DIXDC1: variants seen among roughly 807,000 people sequenced by gnomAD.
DIXDC1 encodes dixin.
Under a neutral mutation model 103.1 loss-of-function variants are expected in DIXDC1, and 64 were observed. The observed-to-expected ratio is 0.62, with a 90% CI of 0.51 to 0.76. The LOEUF (loss-of-function observed/expected upper bound fraction) is 0.76, where lower values mean the gene tolerates loss of function less well. Among genes scored for constraint, DIXDC1 ranks in the 30% least tolerant of loss-of-function variants. The probability of loss-of-function intolerance (pLI) is 0.00; values close to 1 mark genes in which losing one functional copy is unlikely to be tolerated. For synonymous variants in DIXDC1, 266 were observed against 298.5 expected, an observed-to-expected ratio of 0.89 and a Z score of 1.12; for missense variants, 759 against 834.2, an observed-to-expected ratio of 0.91 and a Z score of 1.11.
intron 1 of DIXDC1, among the ~76,000 whole-genome samples, chr11:111,955,833 CAAAA>C (rs781822030): frequency 1.1e-4 from 2 of 17,660 alleles, no homozygotes; most frequent in Non-Finnish European, 1.5e-4. Context: ...GACTCTAGCT[CAAAA>C]AAAAAAAAAA....
At chr11:111,996,464 G>A (rs1443098770) in intron 17 of DIXDC1, 4 of 198,888 alleles carry the variant, frequency 2.0e-5, no homozygotes, top group Non-Finnish European at 3.1e-5. Flanking sequence ...ACATACATAC[G>A]TAAATTTTTC....
intron 17 of DIXDC1, among the ~76,000 whole-genome samples, chr11:112,002,619 T>C (rs1555176131): frequency 2.0e-5 from 3 of 152,078 alleles, no homozygotes; most frequent in Non-Finnish European, 4.4e-5. Flanking sequence ...AGCAAGACCT[T>C]GTCTCTACTA....
At chr11:111,952,113 G>A (rs587656910) in intron 1 of DIXDC1, among the ~76,000 whole-genome samples, 28 of 152,160 alleles carry the variant, frequency 1.8e-4, no homozygotes, top group South Asian at 1.0e-3. Context: ...TGATCTGCCC[G>A]CCTCAGCCTC....
chr11:111,974,232 G>A lies in DIXDC1; in HGVS notation c.526G>A (p.Asp176Asn). 6.2e-7 allele frequency: 1 copy of A among 1,613,504 alleles called. No individual in the cohort carries two copies. The highest frequency in any genetic ancestry group is 2.2e-5 in the East Asian group (1 of 44,874). The part of the protein sequence containing the change: ...VCHDMSRSGR[D>N]VFRYRQRNSS... ...TCATGACATGTCCCGATCAGGACGG[G>A]ATGTCTTTCGATATAGACAGAGGTA... Residue 176 changes from aspartate to asparagine, a missense_variant, in exon 4 of 20, where the codon GAT (aspartate) becomes AAT (asparagine). By Grantham distance (23) the Asp-to-Asn change is conservative (BLOSUM62 1). Coordinates refer to ENST00000440460, the MANE Select transcript of DIXDC1 (RefSeq NM_001037954.4).
chr11:111,971,527 CTG>C (rs1859926959), intron 3 of DIXDC1, among the ~76,000 whole-genome samples: 2 of 152,182 alleles, frequency 1.3e-5, no homozygotes, highest in South Asian at 4.1e-4. Flanking sequence ...TGTCCAGCCA[CTG>C]TGGAAAGTAG....
intron 1 of DIXDC1, among the ~76,000 whole-genome samples, chr11:111,944,110 G>C (rs1966514535): frequency 6.6e-6 from 1 of 152,156 alleles, no homozygotes; most frequent in Non-Finnish European, 1.5e-5. Flanking sequence ...CTCTAGCCTT[G>C]CTCTTAGTTT....
chr11:111,972,370 T>A (rs1555172142), intron 3 of DIXDC1, among the ~76,000 whole-genome samples: 1 of 152,208 alleles, frequency 6.6e-6, no homozygotes, highest in African/African-American at 2.4e-5. Flanking sequence ...TAAAGTCAGC[T>A]ATTTTGAGGG....
intron 2 of DIXDC1, among the ~76,000 whole-genome samples, chr11:111,966,395 G>GTTTT (rs1859733761): frequency 4.4e-5 from 4 of 89,908 alleles, no homozygotes; most frequent in African/African-American, 2.8e-4. Flanking sequence ...GCTAATTTTT[G>GTTTT]TATTTTTTTT....
chr11:111,946,710 A>G, intron 1 of DIXDC1: 1 of 385,428 alleles, frequency 2.6e-6, no homozygotes, highest in Non-Finnish European at 5.3e-6. Context: ...TAAGAACTTT[A>G]GGTGTCACAG....
chr11:112,003,995 AT>A (rs1221058602), intron 17 of DIXDC1, among the ~76,000 whole-genome samples: 2 of 148,010 alleles, frequency 1.4e-5, no homozygotes, highest in Non-Finnish European at 3.0e-5. Context: ...CCTGGGCAAC[AT>A]AAAAAAACCC....
intron 17 of DIXDC1, among the ~76,000 whole-genome samples, chr11:112,014,896 T>G (rs1861540658): frequency 1.3e-5 from 2 of 152,100 alleles, no homozygotes; most frequent in Admixed American, 1.3e-4. Flanking sequence ...TTCTTTTTTT[T>G]TTTTTGGAGA....
chr11:111,991,270 A>G (rs1555174510), intron 10 of DIXDC1, among the ~76,000 whole-genome samples: 1 of 152,218 alleles, frequency 6.6e-6, no homozygotes. Context: ...ATAACATGTA[A>G]AGGATCTGAA....
chr11:112,006,211 G>C (rs1341145164), intron 17 of DIXDC1, among the ~76,000 whole-genome samples: 5 of 152,244 alleles, frequency 3.3e-5, no homozygotes, highest in African/African-American at 1.2e-4. Flanking sequence ...ATTGAACTGC[G>C]AGGCAACAGC....
chr11:111,956,885 G>A (rs1232194458), intron 1 of DIXDC1, among the ~76,000 whole-genome samples: 2 of 151,982 alleles, frequency 1.3e-5, no homozygotes, highest in Admixed American at 6.6e-5. Context: ...TGGGGGAGAG[G>A]GCCAGGCATG....
At chr11:111,939,062 C>T (rs1555168552) in intron 1 of DIXDC1, among the ~76,000 whole-genome samples, 1 of 152,236 alleles carries the variant, frequency 6.6e-6, no homozygotes, top group Non-Finnish European at 1.5e-5. Context: ...TCTTTAGCTG[C>T]GTAAGTCTGA....
chr11:111,948,805 C>G (rs1340808846), intron 1 of DIXDC1, among the ~76,000 whole-genome samples: 3 of 152,078 alleles, frequency 2.0e-5, no homozygotes, highest in African/African-American at 4.8e-5. Flanking sequence ...CAGCTTCCCT[C>G]TTCCCACCTC....
chr11:111,996,237 T>G, intron 17 of DIXDC1, 91 bp downstream of exon 17: 1 of 1,125,890 alleles, frequency 8.9e-7, no homozygotes, highest in East Asian at 2.5e-5. Flanking sequence ...ATGTAATTTT[T>G]CTTGTAGTAC....
rs782259720 is a variant in DIXDC1, at chr11:112,018,974, G to A, written c.1990G>A (p.Ala664Thr). ...VKEEIFHDDDAIPGWEGKIVA... is the reference protein window; with the variant it reads ...VKEEIFHDDDTIPGWEGKIVA... ...TCTCTAGATTTTCCATGATGATGAT[G>A]CCATCCCTGGATGGGAAGGGAAAAT... Residue 664 changes from alanine (A) to threonine (T), a missense_variant, in exon 20 of 20, where the codon GCC (alanine) becomes ACC (threonine). By Grantham distance (58) the Ala-to-Thr change is moderately conservative. Coordinates refer to ENST00000440460, the MANE Select transcript of DIXDC1 (RefSeq NM_001037954.4). The A allele has an allele frequency of 1.2e-6, 2 of 1,608,906 alleles. No individual in the cohort carries two copies. Among genetic ancestry groups the A allele is most frequent in the South Asian group, 2.2e-5 (2 of 90,958 alleles).
Position 111,937,394 on chromosome 11 carries a change from G to A in DIXDC1, c.-106G>A, listed in dbSNP as rs1966242368. ...TAAGTGGCATGCGGGACTCCGGAGG[G>A]ATCCCAATGAGCTGAGCCGAGAGCC... On this transcript the variant is annotated 5_prime_UTR_variant, in exon 1 of 20. Transcript: ENST00000440460. 1 of 1,489,860 alleles carries A rather than the reference G, an allele frequency of 6.7e-7. No homozygotes were observed. The highest frequency in any genetic ancestry group is 8.9e-7 in the Non-Finnish European group (1 of 1,119,962). 92.3% of individuals were successfully genotyped at this position (1,489,860 alleles called of 1,614,324 possible).
Sources: allele counts gnomAD v4.1 joint callset (sites outside exome capture counted in the v4.1 genomes callset), GRCh38; gene constraint gnomAD v4.1.1; transcripts MANE v1.5; gene names NCBI Gene and HGNC (gene_info 2026-07-23, HGNC 2026-07-21).